CNTN5: variants seen among roughly 807,000 people sequenced by gnomAD.
CNTN5 encodes the protein contactin-5.
CNTN5 carries 77 observed loss-of-function variants against 129.1 expected under a neutral mutation model. The observed-to-expected ratio is 0.60, with a 90% CI of 0.50 to 0.72. The LOEUF (loss-of-function observed/expected upper bound fraction) is 0.72, where lower values mean the gene tolerates loss of function less well. CNTN5 is among the 30% of genes least tolerant of loss of function. CNTN5 has a pLI of 0.00. For synonymous variants in CNTN5, 509 were observed against 465.6 expected (o/e 1.09, Z -1.20); for missense variants, 1,478 against 1,328.8 (o/e 1.11, Z -1.75).
At chr11:99,079,221 G>A (rs1865698838) in intron 1 of CNTN5, among the ~76,000 whole-genome samples, 1 of 152,032 alleles carries the variant, frequency 6.6e-6, no homozygotes, top group South Asian at 2.1e-4. Context: ...CTTAGAAGAG[G>A]CAGATATGAA....
At chr11:99,478,365 G>A (rs1317690010) in intron 2 of CNTN5, among the ~76,000 whole-genome samples, 1 of 152,060 alleles carries the variant, frequency 6.6e-6, no homozygotes, top group Admixed American at 6.6e-5. Context: ...CTTGCCATGT[G>A]GATCTCTCTA....
At chr11:99,684,190 A>G (rs1953685508) in intron 3 of CNTN5, among the ~76,000 whole-genome samples, 1 of 151,712 alleles carries the variant, frequency 6.6e-6, no homozygotes, top group Non-Finnish European at 1.5e-5. Flanking sequence ...GTGGTATTTC[A>G]CCTACTATGC....
intron 13 of CNTN5, among the ~76,000 whole-genome samples, chr11:100,095,776 A>C (rs1034555270): frequency 6.6e-6 from 1 of 152,018 alleles, no homozygotes; most frequent in Non-Finnish European, 1.5e-5. Context: ...AGAGAAAACA[A>C]TTAAAGAAAA....
intron 1 of CNTN5, among the ~76,000 whole-genome samples, chr11:99,082,405 G>T (rs1475698959): frequency 6.6e-6 from 1 of 152,044 alleles, no homozygotes; most frequent in East Asian, 1.9e-4. Flanking sequence ...GGGTGGTCTC[G>T]ATCTCTTGAC....
chr11:99,806,711 G>A (rs935527556), intron 3 of CNTN5, among the ~76,000 whole-genome samples: 23 of 151,454 alleles, frequency 1.5e-4, no homozygotes, highest in African/African-American at 5.1e-4. Flanking sequence ...GGAGGCTGAG[G>A]CAGGAGAATC....
chr11:99,769,818 A>AAT (rs202119847), intron 3 of CNTN5, among the ~76,000 whole-genome samples: 11,119 of 151,388 alleles, frequency 0.073, 758 homozygotes, highest in African/African-American at 0.17. Context: ...CCCGTCTCAA[A>AAT]AAAAAAAAAA....
chr11:99,857,393 T>C (rs1407419046), intron 6 of CNTN5, among the ~76,000 whole-genome samples: 1 of 152,132 alleles, frequency 6.6e-6, no homozygotes, highest in African/African-American at 2.4e-5. Flanking sequence ...AAGAATTCCC[T>C]TATGACACCT....
chr11:99,740,826 C>T (rs1471366136), intron 3 of CNTN5, among the ~76,000 whole-genome samples: 5 of 152,068 alleles, frequency 3.3e-5, no homozygotes, highest in African/African-American at 1.2e-4. Context: ...CCCTTGACAC[C>T]CTTCTAAAAA....
intron 6 of CNTN5, among the ~76,000 whole-genome samples, chr11:99,848,451 A>C (rs570045863): frequency 1.3e-5 from 2 of 152,236 alleles, no homozygotes; most frequent in Admixed American, 6.5e-5. Flanking sequence ...TTATACAACT[A>C]ATATTTCAAA....
chr11:99,348,757 G>A (rs1424439309), intron 2 of CNTN5, among the ~76,000 whole-genome samples: 3 of 152,140 alleles, frequency 2.0e-5, no homozygotes, highest in Non-Finnish European at 4.4e-5. Context: ...TATAATACAT[G>A]TAAGATCTGT....
intron 2 of CNTN5, among the ~76,000 whole-genome samples, chr11:99,416,620 G>C (rs557032600): frequency 2.0e-5 from 3 of 152,212 alleles, no homozygotes; most frequent in Middle Eastern, 3.4e-3. Flanking sequence ...AGTATCTGGG[G>C]CCGGTGTCAT....
chr11:99,074,139 C>CT (rs1278778080), intron 1 of CNTN5, among the ~76,000 whole-genome samples: 1 of 152,008 alleles, frequency 6.6e-6, no homozygotes, highest in Non-Finnish European at 1.5e-5. Context: ...TGATATCGAG[C>CT]TTTTTTTCAT....
At chr11:99,967,757 C>T (rs1951133903) in intron 8 of CNTN5, among the ~76,000 whole-genome samples, 1 of 152,162 alleles carries the variant, frequency 6.6e-6, no homozygotes, top group East Asian at 1.9e-4. Flanking sequence ...GTGCCTCTCC[C>T]TGTAACAGTG....
intron 1 of CNTN5, among the ~76,000 whole-genome samples, chr11:99,133,558 A>G (rs1459406234): frequency 6.6e-6 from 1 of 150,994 alleles, no homozygotes; most frequent in Non-Finnish European, 1.5e-5. Context: ...CAAATTTACA[A>G]GAAAAAAACA....
intron 1 of CNTN5, among the ~76,000 whole-genome samples, chr11:99,177,667 G>A (rs990142926): frequency 2.6e-5 from 4 of 152,128 alleles, no homozygotes; most frequent in East Asian, 1.9e-4. Context: ...ACATAGTTAC[G>A]TGTCTGGAAT....
chr11:99,948,703 A>G (rs1241972782), intron 7 of CNTN5, among the ~76,000 whole-genome samples: 1 of 152,180 alleles, frequency 6.6e-6, no homozygotes, highest in African/African-American at 2.4e-5. Context: ...ACCTATTCCT[A>G]TGAGAATTAA....
chr11:99,078,141 T>C (rs1865651396), intron 1 of CNTN5, among the ~76,000 whole-genome samples: 1 of 152,214 alleles, frequency 6.6e-6, no homozygotes, highest in Non-Finnish European at 1.5e-5. Flanking sequence ...TAATGTCATT[T>C]CTATTTCCTT....
intron 3 of CNTN5, among the ~76,000 whole-genome samples, chr11:99,614,744 G>A (rs1006206744): frequency 3.9e-5 from 6 of 152,096 alleles, no homozygotes; most frequent in Admixed American, 1.3e-4. Context: ...GGAACTGATG[G>A]AAAGTAACCC....
At chr11:99,230,616 G>A (rs1290428916) in intron 1 of CNTN5, among the ~76,000 whole-genome samples, 1 of 152,084 alleles carries the variant, frequency 6.6e-6, no homozygotes, top group African/African-American at 2.4e-5. Context: ...GACTGCAATA[G>A]CCTATCAGTG....
Sources: allele counts gnomAD v4.1 joint callset (sites outside exome capture counted in the v4.1 genomes callset), GRCh38; gene constraint gnomAD v4.1.1; transcripts MANE v1.5; gene names NCBI Gene and HGNC (gene_info 2026-07-23, HGNC 2026-07-21).